The following GSAP variants were observed in gnomAD, a reference collection of about 807,000 sequenced individuals.
The protein encoded by GSAP is gamma-secretase activating protein.
GSAP carries 118 observed loss-of-function variants against 131.7 expected under a neutral mutation model. The observed-to-expected ratio is 0.90, with a 90% CI of 0.77 to 1.04. The LOEUF is 1.04. Ranked by LOEUF, GSAP falls within the 50% of genes least tolerant of loss-of-function variation. The pLI is 0.00. For synonymous variants in GSAP, 381 were observed against 363.4 expected (o/e 1.05, Z -0.55); for missense variants, 1,019 against 1,013.2 (o/e 1.01, Z -0.08).
chr7:77,398,600 C>T (rs1800810124), intron 3 of GSAP, among the ~76,000 whole-genome samples: 1 of 152,102 alleles, frequency 6.6e-6, no homozygotes, highest in South Asian at 2.1e-4. Context: ...AATCCTATCT[C>T]TACAAAAGTT....
chr7:77,320,339 C>T (rs538270708), intron 26 of GSAP, among the ~76,000 whole-genome samples: 13 of 152,140 alleles, frequency 8.5e-5, no homozygotes, highest in Non-Finnish European at 1.5e-4. Flanking sequence ...AGCCTCCAAG[C>T]GTATAAGAAT....
At chr7:77,365,595 G>A (rs1197079786) in intron 12 of GSAP, among the ~76,000 whole-genome samples, 3 of 152,076 alleles carry the variant, frequency 2.0e-5, no homozygotes, top group African/African-American at 7.2e-5. Context: ...AGTATTCCAC[G>A]GTATGTATGT....
chr7:77,358,039 G>T (rs1026816721), intron 14 of GSAP, among the ~76,000 whole-genome samples: 1 of 152,130 alleles, frequency 6.6e-6, no homozygotes, highest in African/African-American at 2.4e-5. Flanking sequence ...AACAAAATAA[G>T]GTAGGGTATT....
chr7:77,362,538 GA>G, intron 13 of GSAP, 44 bp downstream of exon 13: 2 of 1,053,848 alleles, frequency 1.9e-6, no homozygotes, highest in Non-Finnish European at 2.9e-6. Context: ...CTACTATTTG[GA>G]AAAAGTTATT....
At chr7:77,324,443 G>A (rs1788054940) in intron 23 of GSAP, among the ~76,000 whole-genome samples, 1 of 152,100 alleles carries the variant, frequency 6.6e-6, no homozygotes, top group African/African-American at 2.4e-5. Flanking sequence ...GCAAGAGCAG[G>A]ATGCCAGGAC....
At chr7:77,336,075 TCTC>T (rs1789932332) in intron 19 of GSAP, among the ~76,000 whole-genome samples, 1 of 152,180 alleles carries the variant, frequency 6.6e-6, no homozygotes. Context: ...AATTTCAAGG[TCTC>T]CTGAATATAA....
At chr7:77,399,082 T>G (rs1800900406) in intron 3 of GSAP, among the ~76,000 whole-genome samples, 1 of 152,196 alleles carries the variant, frequency 6.6e-6, no homozygotes, top group South Asian at 2.1e-4. Context: ...AATATAATAA[T>G]CCAATGAACC....
intron 19 of GSAP, among the ~76,000 whole-genome samples, chr7:77,344,759 C>G (rs1456519812): frequency 2.0e-5 from 3 of 152,138 alleles, no homozygotes; most frequent in Admixed American, 6.5e-5. Context: ...CTTTTATACT[C>G]ATTATTATTC....
At chr7:77,337,301 T>TGGGGGGGGGGGGGGGGGGGGG (rs34134192) in intron 19 of GSAP, among the ~76,000 whole-genome samples, 2 of 65,702 alleles carry the variant, frequency 3.0e-5, no homozygotes, top group African/African-American at 4.9e-5. Context: ...GGGGGTGGGG[T>TGGGGGGGGGGGGGGGGGGGGG]GGGGGGGGGG....
chr7:77,318,211 T>A (rs2150602329), intron 26 of GSAP, among the ~76,000 whole-genome samples: 1 of 152,332 alleles, frequency 6.6e-6, no homozygotes, highest in Non-Finnish European at 1.5e-5. Flanking sequence ...TCAACCTTTC[T>A]GGCCTCAGTT....
intron 28 of GSAP, among the ~76,000 whole-genome samples, chr7:77,313,001 A>G (rs1019989599): frequency 1.3e-5 from 2 of 152,234 alleles, no homozygotes; most frequent in Non-Finnish European, 2.9e-5. Context: ...TCATATTTTC[A>G]TAGTATCTCT....
chr7:77,378,298 A>G (rs1279417042), intron 8 of GSAP, among the ~76,000 whole-genome samples: 1 of 152,110 alleles, frequency 6.6e-6, no homozygotes, highest in Non-Finnish European at 1.5e-5. Flanking sequence ...CCTGGCTAAC[A>G]TGGTGAAACC....
At position 77,416,196 on chromosome 7, in the gene GSAP, C is replaced by T; in HGVS notation, c.109+17G>A. On this transcript the variant is annotated intron_variant, in intron 1 of 30. Coordinates refer to ENST00000257626, the MANE Select transcript of GSAP (RefSeq NM_017439.4). ...CACTCCCCGCCCCCACCCCTCTCCG[C>T]AGCGCGCCTCCCGCACCTGCGCCGC... 1 of 1,359,694 alleles carries T rather than the reference C, an allele frequency of 7.4e-7. No homozygotes were observed. The allele number at this position is 1,359,694 out of a possible 1,614,324, so 84.2% of individuals were successfully genotyped here.
intron 22 of GSAP, chr7:77,328,084 A>T (rs1297181962): frequency 3.4e-5 from 14 of 409,274 alleles, no homozygotes; most frequent in Non-Finnish European, 4.6e-5. Context: ...CATGGTTCAC[A>T]CAAGAGGCCA....
At chr7:77,343,691 TCC>T (rs1255217617) in intron 19 of GSAP, among the ~76,000 whole-genome samples, 1 of 152,090 alleles carries the variant, frequency 6.6e-6, no homozygotes, top group Non-Finnish European at 1.5e-5. Flanking sequence ...TTCCACCTAC[TCC>T]CCCACTGACT....
chr7:77,328,194 G>T, intron 22 of GSAP: 1 of 997,532 alleles, frequency 1.0e-6, no homozygotes, highest in Non-Finnish European at 1.2e-6. Flanking sequence ...TATGCCTCTA[G>T]GACCTGTGTG....
At chr7:77,365,699 T>A (rs1795186125) in intron 12 of GSAP, among the ~76,000 whole-genome samples, 1 of 152,194 alleles carries the variant, frequency 6.6e-6, no homozygotes, top group South Asian at 2.1e-4. Flanking sequence ...GACATTTGCA[T>A]ACGTATATCT....
At chr7:77,335,063 A>C (rs1238898086) in intron 19 of GSAP, among the ~76,000 whole-genome samples, 1 of 151,496 alleles carries the variant, frequency 6.6e-6, no homozygotes, top group Non-Finnish European at 1.5e-5. Flanking sequence ...AGCCTGGGCG[A>C]CAGAGCAAGA....
intron 19 of GSAP, among the ~76,000 whole-genome samples, chr7:77,346,183 T>C (rs1791798618): frequency 7.2e-6 from 1 of 139,214 alleles, no homozygotes; most frequent in South Asian, 2.2e-4. Context: ...GGCAGGAGAA[T>C]CGCTTGAACC....
Sources: allele counts gnomAD v4.1 joint callset (sites outside exome capture counted in the v4.1 genomes callset), GRCh38; gene constraint gnomAD v4.1.1; transcripts MANE v1.5; gene names NCBI Gene and HGNC (gene_info 2026-07-23, HGNC 2026-07-21).